The following CERK variants were observed in gnomAD, a reference collection of about 807,000 sequenced individuals.
CERK encodes acylsphingosine kinase.
In CERK, 39 loss-of-function variants were observed where a neutral mutation model predicts 63.4. That is an observed-to-expected ratio of 0.61 (90% CI 0.48 to 0.80). The LOEUF (loss-of-function observed/expected upper bound fraction) is 0.80. CERK is among the 30% of genes least tolerant of loss of function. The probability of loss-of-function intolerance (pLI) is 0.00; values close to 1 mark genes in which losing one functional copy is unlikely to be tolerated. For synonymous variants in CERK, 302 were observed against 280.0 expected, an observed-to-expected ratio of 1.08 and a Z score of -0.78; for missense variants, 670 against 714.1, an observed-to-expected ratio of 0.94 and a Z score of 0.70.
At chr22:46,694,245 G>C (rs2082745260) in intron 9 of CERK, among the ~76,000 whole-genome samples, 1 of 152,196 alleles carries the variant, frequency 6.6e-6, no homozygotes, top group Non-Finnish European at 1.5e-5. Context: ...GCAGAGCAGA[G>C]ACAGGATGAC....
At chr22:46,723,708 T>C (rs532613916) in intron 1 of CERK, among the ~76,000 whole-genome samples, 1 of 151,938 alleles carries the variant, frequency 6.6e-6, no homozygotes, top group East Asian at 2.0e-4. Flanking sequence ...GGGGTTTTCT[T>C]CTTTTTTTTT....
intron 8 of CERK, among the ~76,000 whole-genome samples, chr22:46,697,630 C>T (rs1387312495): frequency 6.6e-6 from 1 of 152,190 alleles, no homozygotes; most frequent in East Asian, 1.9e-4. Flanking sequence ...CTCAGCCCCC[C>T]GAGGAGCTGT....
At chr22:46,731,979 CA>C (rs2082947429) in intron 1 of CERK, among the ~76,000 whole-genome samples, 1 of 152,102 alleles carries the variant, frequency 6.6e-6, no homozygotes, top group African/African-American at 2.4e-5. Context: ...TAAAGAAATT[CA>C]AAAGGCAGCA....
At chr22:46,730,083 A>G (rs781402399) in intron 1 of CERK, among the ~76,000 whole-genome samples, 1 of 152,088 alleles carries the variant, frequency 6.6e-6, no homozygotes, top group Non-Finnish European at 1.5e-5. Flanking sequence ...AGCAGCTGTT[A>G]TAACCATGCT....
intron 8 of CERK, among the ~76,000 whole-genome samples, chr22:46,696,061 G>A (rs2082754523): frequency 1.3e-5 from 2 of 152,192 alleles, no homozygotes; most frequent in Non-Finnish European, 2.9e-5. Flanking sequence ...ACGGCCTGCA[G>A]GGCCGTCACA....
At chr22:46,737,930 T>TC in intron 1 of CERK, 77 bp downstream of exon 1, 1 of 973,696 alleles carries the variant, frequency 1.0e-6, no homozygotes, top group Non-Finnish European at 1.3e-6. Context: ...CTGCACCCGG[T>TC]CCCCCCAGCC....
intron 1 of CERK, among the ~76,000 whole-genome samples, chr22:46,725,884 C>T (rs184819684): frequency 8.5e-4 from 129 of 152,360 alleles, no homozygotes; most frequent in Non-Finnish European, 1.3e-3. Context: ...CTTCCAGCTG[C>T]TTCTTTTTCC....
intron 10 of CERK, 79 bp from the exon 11 acceptor site, chr22:46,691,856 A>T: frequency 8.1e-6 from 9 of 1,104,472 alleles, no homozygotes; most frequent in Non-Finnish European, 1.0e-5. Context: ...GTGGGAGGCC[A>T]TTCGGGCTCT....
chr22:46,712,323 G>A (rs769087084), intron 3 of CERK, 30 bp from the exon 4 acceptor site: 38 of 1,606,162 alleles, frequency 2.4e-5, no homozygotes, highest in South Asian at 3.3e-5. Context: ...AAATAACAAC[G>A]AAAATAACAA....
chr22:46,709,379 G>A (rs940011562), intron 5 of CERK, among the ~76,000 whole-genome samples: 28 of 152,176 alleles, frequency 1.8e-4, no homozygotes, highest in African/African-American at 6.0e-4. Flanking sequence ...AGCTGCTGTC[G>A]GGTGGAGGTG....
chr22:46,721,110 A>C, intron 1 of CERK, 95 bp from the exon 2 acceptor site: 1 of 810,670 alleles, frequency 1.2e-6, no homozygotes, highest in Non-Finnish European at 2.1e-6. Flanking sequence ...ATTCTGCTTT[A>C]ATATTCTCAT....
intron 1 of CERK, among the ~76,000 whole-genome samples, chr22:46,725,720 A>C (rs1377869815): frequency 1.3e-5 from 2 of 152,242 alleles, no homozygotes; most frequent in African/African-American, 4.8e-5. Flanking sequence ...AATGGCCATC[A>C]CATTCCAGAA....
At chr22:46,695,356 T>G (rs1054290836) in intron 8 of CERK, 41 bp from the exon 9 acceptor site, 17 of 1,167,378 alleles carry the variant, frequency 1.5e-5, no homozygotes, top group Non-Finnish European at 2.2e-5. Flanking sequence ...TCCACAAGGG[T>G]CATTGCTTGG....
chr22:46,720,274 A>T, intron 2 of CERK, 66 bp from the exon 3 acceptor site: 1 of 1,555,352 alleles, frequency 6.4e-7, no homozygotes, highest in Non-Finnish European at 8.7e-7. Context: ...CCTCAAGTGA[A>T]TATGCACCAA....
intron 6 of CERK, among the ~76,000 whole-genome samples, chr22:46,705,383 C>A (rs570730058): frequency 6.6e-6 from 1 of 152,288 alleles, no homozygotes; most frequent in African/African-American, 2.4e-5. Context: ...TTCAAAGAAT[C>A]GGAACGGGCT....
chr22:46,713,585 C>A (rs965620022), intron 3 of CERK, among the ~76,000 whole-genome samples: 2 of 151,692 alleles, frequency 1.3e-5, no homozygotes, highest in Admixed American at 6.6e-5. Context: ...TTCACCACAG[C>A]CAAGCAGTGG....
rs1163401861 is a variant in CERK at position 46,699,340 on chromosome 22, A to G, written c.916T>C (p.Leu306=). The change falls in exon 8 of 13, where the codon TTG becomes CTG. Residue 306 remains leucine, a synonymous_variant. Coordinates refer to ENST00000216264, the MANE Select transcript of CERK (RefSeq NM_022766.6). ...IIKDSEKKRW[L]GLARYDFSGL... is the part of the protein sequence containing the mutation. ...GAAAAGTCGTATCTGGCAAGACCCA[A>G]CCACCGTTTCTTCTCACTGTCCTTG... The G allele has an allele frequency of 6.2e-7, 1 of 1,614,004 alleles. No individual in the cohort carries two copies. Among genetic ancestry groups the G allele is most frequent in the African/African-American group, 1.3e-5 (1 of 74,914 alleles).
In CERK at chr22:46,712,296, G is replaced by C; in HGVS notation, c.380-3C>G. On this transcript the variant is annotated splice_region_variant and splice_polypyrimidine_tract_variant and intron_variant, in intron 3 of 12. Transcript: ENST00000216264. ...CAGTAAATGCTTTGGTCTGGACGCT[G>C]TAAGACAACAACATGTAAATAACAA... 1 of 1,612,798 alleles carries C rather than the reference G, an allele frequency of 6.2e-7. No individual in the cohort carries two copies. The highest frequency in any genetic ancestry group is 8.5e-7 in the Non-Finnish European group (1 of 1,179,376).
chr22:46,737,833 T>C (rs1326830605), intron 1 of CERK, among the ~76,000 whole-genome samples, 174 bp downstream of exon 1: 3 of 151,946 alleles, frequency 2.0e-5, no homozygotes, highest in Non-Finnish European at 4.4e-5. Flanking sequence ...GCCCGGCCCC[T>C]GGCCCCGGCC....
Sources: gnomAD v4.1 joint callset for allele counts (sites outside exome capture counted in the v4.1 genomes callset) on GRCh38, gnomAD v4.1.1 for gene constraint, MANE v1.5 for transcripts, NCBI Gene and HGNC (gene_info 2026-07-23, HGNC 2026-07-21) for gene names.